Variants in PPP2R2A observed in about 807,000 individuals in gnomAD.
The protein encoded by PPP2R2A is protein phosphatase 2 regulatory subunit Balpha.
A neutral mutation model predicts 53.2 loss-of-function variants in PPP2R2A; 9 were observed. The ratio of observed to expected loss-of-function variants is 0.17; its 90% CI spans 0.10 to 0.30. The LOEUF is 0.30. Among genes scored for constraint, PPP2R2A ranks in the 10% least tolerant of loss-of-function variants. PPP2R2A has a pLI of 1.00. For synonymous variants in PPP2R2A, 169 were observed against 174.2 expected (o/e 0.97, Z 0.23); for missense variants, 235 against 534.6 (o/e 0.44, Z 5.53).
At chr8:26,293,880 A>T in intron 2 of PPP2R2A, 140 bp downstream of exon 2, 1 of 738,974 alleles carries the variant, frequency 1.4e-6, no homozygotes, top group South Asian at 1.8e-5. Context: ...GTTTTAAAAG[A>T]TACCTTTCTG....
intron 2 of PPP2R2A, among the ~76,000 whole-genome samples, chr8:26,325,211 C>T (rs1256946930): frequency 6.6e-6 from 1 of 151,748 alleles, no homozygotes; most frequent in Non-Finnish European, 1.5e-5. Context: ...CCCAGAATTC[C>T]CACATGTTGT....
intron 2 of PPP2R2A, among the ~76,000 whole-genome samples, chr8:26,335,504 C>T (rs1345396547): frequency 6.6e-6 from 1 of 152,128 alleles, no homozygotes; most frequent in Non-Finnish European, 1.5e-5. Context: ...AGCAAGGAGA[C>T]CATGAATCTG....
In PPP2R2A at chr8:26,360,299, A is replaced by C; in HGVS notation, c.459+18A>C. 6.8e-7 allele frequency: 1 copy of C among 1,459,878 alleles called. No individual in the cohort carries two copies. Among genetic ancestry groups the C allele is most frequent in the Non-Finnish European group, 9.5e-7 (1 of 1,054,228 alleles). 90.4% of individuals were successfully genotyped at this position (1,459,878 alleles called of 1,614,324 possible). ...CACTACGAGTAAGTACATAAGAAAAAAATGTCACAGATAGTGCTTGTATTC... is the reference window on the plus strand; with the variant it reads ...CACTACGAGTAAGTACATAAGAAAACAATGTCACAGATAGTGCTTGTATTC... On this transcript the variant is annotated intron_variant, in intron 5 of 9. Coordinates refer to ENST00000380737, the MANE Select transcript of PPP2R2A (RefSeq NM_002717.4). This position sits in a 1 kb window ranked among gnomAD's most constrained non-coding sequence, Gnocchi z 4.5.
chr8:26,311,845 A>G (rs778521604), intron 2 of PPP2R2A, among the ~76,000 whole-genome samples: 5 of 151,764 alleles, frequency 3.3e-5, no homozygotes, highest in Admixed American at 6.6e-5. Context: ...GGTGGGGTGC[A>G]CCTAGAACAT....
chr8:26,292,399 C>T, intron 1 of PPP2R2A: 3 of 985,668 alleles, frequency 3.0e-6, no homozygotes, highest in Non-Finnish European at 3.6e-6. Context: ...CATTTCGTTT[C>T]CGTTTCTTCC....
intron 3 of PPP2R2A, among the ~76,000 whole-genome samples, chr8:26,340,561 T>C (rs1029931057): frequency 6.6e-6 from 1 of 152,108 alleles, no homozygotes; most frequent in East Asian, 1.9e-4. Context: ...CAGAAAGTCT[T>C]CATTTTTAAT....
chr8:26,307,591 T>C (rs752334025), intron 2 of PPP2R2A, among the ~76,000 whole-genome samples: 41 of 152,194 alleles, frequency 2.7e-4, no homozygotes, highest in Non-Finnish European at 4.6e-4. Flanking sequence ...ACTGCTCAGG[T>C]TGATTGGAAT....
At chr8:26,307,278 AAC>A (rs1487709399) in intron 2 of PPP2R2A, among the ~76,000 whole-genome samples, 1 of 152,252 alleles carries the variant, frequency 6.6e-6, no homozygotes, top group Non-Finnish European at 1.5e-5. Flanking sequence ...CTTTAAAAAT[AAC>A]AGTTTGGGTT....
At chr8:26,339,362 G>GAGAAGCACC (rs1803826121) in intron 3 of PPP2R2A, among the ~76,000 whole-genome samples, 3 of 152,044 alleles carry the variant, frequency 2.0e-5, no homozygotes, top group Non-Finnish European at 4.4e-5. Context: ...GGTTTACTTT[G>GAGAAGCACC]TACAATTGAG....
chr8:26,334,008 C>T (rs576958911), intron 2 of PPP2R2A, among the ~76,000 whole-genome samples: 3 of 151,352 alleles, frequency 2.0e-5, no homozygotes, highest in Non-Finnish European at 4.4e-5. Context: ...CATTACATTA[C>T]TTTTTTTTTA....
chr8:26,335,531 C>T (rs1266140290), intron 2 of PPP2R2A, among the ~76,000 whole-genome samples: 2 of 152,130 alleles, frequency 1.3e-5, no homozygotes, highest in South Asian at 2.1e-4. Context: ...TACCCCTCCC[C>T]GAAATAAAAT....
intron 2 of PPP2R2A, among the ~76,000 whole-genome samples, chr8:26,317,056 G>A (rs986473582): frequency 6.6e-6 from 1 of 152,178 alleles, no homozygotes; most frequent in African/African-American, 2.4e-5. Context: ...TTTTCCATCA[G>A]GAATACTCGC....
At chr8:26,358,082 A>T (rs181102491) in intron 4 of PPP2R2A, among the ~76,000 whole-genome samples, 119 of 148,096 alleles carry the variant, frequency 8.0e-4, no homozygotes, top group African/African-American at 2.8e-3. Context: ...CCTTGTCCCC[A>T]CCTTACTGAA....
At position 26,341,967 on chromosome 8, in the gene PPP2R2A, T is replaced by C. The variant is rs145062804; in HGVS notation, c.180+2980T>C. On this transcript the variant is annotated intron_variant, in intron 3 of 9. Transcript: ENST00000380737. ...GATCCAGGCGGGTATCTGTGTCCTC[T>C]TGCTGCCTGTCCGTTTATTCCCCAA... Among the ~76,000 whole-genome samples the C allele has an allele frequency of 5.5e-3, 840 of 152,318 alleles. 2 individuals are homozygous for C. The highest frequency in any genetic ancestry group is 9.8e-3 in the Non-Finnish European group (670 of 68,032).
rs1055397041 is a variant in PPP2R2A, at chr8:26,369,446, A to G, written c.1065-688A>G. ...TGCTCAGTTGCCCAGGCTGGAGTGCAGTGGCACGACCTTGGCTCACTGCAA... is the reference window on the plus strand; with the variant it reads ...TGCTCAGTTGCCCAGGCTGGAGTGCGGTGGCACGACCTTGGCTCACTGCAA... On this transcript the variant is annotated intron_variant, in intron 9 of 9. Coordinates refer to ENST00000380737, the MANE Select transcript of PPP2R2A (RefSeq NM_002717.4). 3.0e-4 allele frequency among the ~76,000 whole-genome samples: 45 copies of G among 151,014 alleles called. 1 individual carries two copies. Among genetic ancestry groups the G allele is most frequent in the Middle Eastern group, 3.4e-3 (1 of 294 alleles).
At chr8:26,296,904 T>A (rs1801566911) in intron 2 of PPP2R2A, among the ~76,000 whole-genome samples, 2 of 152,226 alleles carry the variant, frequency 1.3e-5, no homozygotes, top group Non-Finnish European at 2.9e-5. Context: ...ATTGATGTTA[T>A]ACAACCGTAT....
chr8:26,331,012 G>A (rs1271237469), intron 2 of PPP2R2A, among the ~76,000 whole-genome samples: 4 of 152,140 alleles, frequency 2.6e-5, no homozygotes, highest in Non-Finnish European at 5.9e-5. Flanking sequence ...TTCTCTGGCT[G>A]GTGGGGACCC....
At chr8:26,295,237 ACT>A (rs1801492472) in intron 2 of PPP2R2A, among the ~76,000 whole-genome samples, 1 of 152,138 alleles carries the variant, frequency 6.6e-6, no homozygotes, top group African/African-American at 2.4e-5. Flanking sequence ...TGGAACATAA[ACT>A]CTGCCCACAA....
intron 4 of PPP2R2A, among the ~76,000 whole-genome samples, chr8:26,358,139 A>C (rs186128696): frequency 1.3e-5 from 2 of 152,282 alleles, no homozygotes; most frequent in African/African-American, 4.8e-5. Flanking sequence ...TTAAGGAAAA[A>C]ACATTTTTTA....
Sources: gnomAD v4.1 joint callset for allele counts (sites outside exome capture counted in the v4.1 genomes callset) on GRCh38, gnomAD v4.1.1 for gene constraint, Gnocchi (gnomAD v3.1) non-coding constraint, MANE v1.5 for transcripts, NCBI Gene and HGNC (gene_info 2026-07-23, HGNC 2026-07-21) for gene names.